The following ABCB1 variants were observed in gnomAD, a reference collection of about 807,000 sequenced individuals.
The protein encoded by ABCB1 is ATP-dependent translocase ABCB1.
A neutral mutation model predicts 142.0 loss-of-function variants in ABCB1; 69 were observed. That is an observed-to-expected ratio of 0.49 (90% CI 0.40 to 0.59). The LOEUF (loss-of-function observed/expected upper bound fraction) is 0.59, where lower values mean the gene tolerates loss of function less well. Ranked by LOEUF, ABCB1 falls within the 20% of genes least tolerant of loss-of-function variation. ABCB1 has a pLI of 0.00. For synonymous variants in ABCB1, 532 were observed against 539.2 expected (o/e 0.99, Z 0.18); for missense variants, 1,326 against 1,554.7 (o/e 0.85, Z 2.47).
chr7:87,563,370 T>C (rs1408760193), intron 7 of ABCB1: 4 of 455,198 alleles, frequency 8.8e-6, no homozygotes, highest in South Asian at 3.1e-5. Context: ...CAAAAAAACT[T>C]TGGGCCAGTA....
At position 87,566,788 on chromosome 7, in the gene ABCB1, G is replaced by A; in HGVS notation, c.527C>T (p.Thr176Ile). The A allele has an allele frequency of 1.2e-6, 2 of 1,613,986 alleles. No homozygotes were observed. The highest frequency in any genetic ancestry group is 8.5e-7 in the Non-Finnish European group (1 of 1,179,920). Residue 176 changes from threonine to isoleucine, a missense_variant, in exon 6 of 28, where the codon ACA becomes ATA. Physicochemically the swap from Thr to Ile is moderately conservative, Grantham distance 89 (BLOSUM62 -1). Coordinates refer to ENST00000622132, the MANE Select transcript of ABCB1 (RefSeq NM_001348946.2). Reference sequence around the variant, plus strand: ...CAACATAAAACTAAATACTTACTCTGTAAGTCGGGTGTTAAGCTCCCCAAC... The same window carrying A: ...CAACATAAAACTAAATACTTACTCTATAAGTCGGGTGTTAAGCTCCCCAAC... ...HDVGELNTRLTDDVSKINEGI... is the reference protein window; with the variant it reads ...HDVGELNTRLIDDVSKINEGI...
intron 21 of ABCB1, chr7:87,522,417 T>C (rs1815556854): frequency 1.5e-6 from 1 of 659,318 alleles, no homozygotes; most frequent in Non-Finnish European, 2.9e-6. Context: ...AGATTTTAAA[T>C]TACTGCCAGG....
intron 1 of ABCB1, among the ~76,000 whole-genome samples, chr7:87,685,920 A>G (rs1318728104): frequency 1.3e-5 from 2 of 152,204 alleles, no homozygotes; most frequent in Non-Finnish European, 2.9e-5. Context: ...CTTGATCCTC[A>G]CTTATTTTAG....
chr7:87,708,941 A>G (rs900631285), intron 1 of ABCB1, among the ~76,000 whole-genome samples: 1 of 152,166 alleles, frequency 6.6e-6, no homozygotes, highest in Admixed American at 6.5e-5. Flanking sequence ...TTTTTCATAA[A>G]CCTTCATTTT....
chr7:87,608,542 A>G (rs1819740171), intron 1 of ABCB1, among the ~76,000 whole-genome samples: 1 of 152,170 alleles, frequency 6.6e-6, no homozygotes, highest in African/African-American at 2.4e-5. Context: ...TCATTCTCTT[A>G]ATTTATAACC....
chr7:87,546,927 A>G (rs1816808392), intron 14 of ABCB1, among the ~76,000 whole-genome samples: 1 of 152,246 alleles, frequency 6.6e-6, no homozygotes, highest in Non-Finnish European at 1.5e-5. Flanking sequence ...TGTGATGACT[A>G]AATAAAATAA....
chr7:87,690,983 A>G (rs1827960825), intron 1 of ABCB1, among the ~76,000 whole-genome samples: 1 of 152,176 alleles, frequency 6.6e-6, no homozygotes, highest in African/African-American at 2.4e-5. Context: ...CTAAAGGTTT[A>G]CTTTTTGCAT....
intron 1 of ABCB1, among the ~76,000 whole-genome samples, chr7:87,707,730 A>C (rs1829735750): frequency 6.6e-6 from 1 of 152,046 alleles, no homozygotes; most frequent in Non-Finnish European, 1.5e-5. Flanking sequence ...CAAAATATAC[A>C]TTCTTATCAT....
rs1305202164 is a variant in ABCB1 at position 87,600,571 on chromosome 7, G to T, written c.-7+184C>A. On this transcript the variant is annotated intron_variant, in intron 1 of 27. Coordinates refer to ENST00000622132, the MANE Select transcript of ABCB1 (RefSeq NM_001348946.2). ...CATGGTCCAGTGCCACTACGGTTTG[G>T]GCGCTGCTCCAGGAGCTCCTGAGTC... 2.6e-5 allele frequency among the ~76,000 whole-genome samples: 4 copies of T among 152,288 alleles called. No individual in the cohort carries two copies. The East Asian group carries it at 7.7e-4, about 29-fold the overall frequency.
intron 21 of ABCB1, among the ~76,000 whole-genome samples, chr7:87,524,949 G>T (rs980284538): frequency 6.6e-6 from 1 of 152,132 alleles, no homozygotes; most frequent in East Asian, 1.9e-4. Flanking sequence ...AGGCAGGAGT[G>T]TCTGGTCTGA....
chr7:87,634,994 T>C (rs1399091525), intron 1 of ABCB1, among the ~76,000 whole-genome samples: 1 of 152,182 alleles, frequency 6.6e-6, no homozygotes, highest in African/African-American at 2.4e-5. Context: ...CCAACCAAAC[T>C]GCATTCATAT....
chr7:87,595,707 A>G, intron 3 of ABCB1, 59 bp downstream of exon 3: 1 of 1,289,836 alleles, frequency 7.8e-7, no homozygotes, highest in South Asian at 1.2e-5. Context: ...TCTCTTTTCC[A>G]TGTAAGGAGA....
chr7:87,616,749 T>A (rs2130077796), intron 1 of ABCB1, among the ~76,000 whole-genome samples: 1 of 152,332 alleles, frequency 6.6e-6, no homozygotes, highest in East Asian at 1.9e-4. Flanking sequence ...TTATACAGTT[T>A]TCCCAAGGTC....
chr7:87,707,015 C>G (rs1385092628), intron 1 of ABCB1, among the ~76,000 whole-genome samples: 1 of 152,184 alleles, frequency 6.6e-6, no homozygotes, highest in East Asian at 1.9e-4. Context: ...AAGACAATAT[C>G]TTTGGAGTAA....
At chr7:87,580,606 G>A (rs1409126664) in intron 4 of ABCB1, among the ~76,000 whole-genome samples, 1 of 152,056 alleles carries the variant, frequency 6.6e-6, no homozygotes. Flanking sequence ...TTAGGCTTGG[G>A]AAATTCTGTG....
At chr7:87,626,784 G>C (rs1390002106) in intron 1 of ABCB1, among the ~76,000 whole-genome samples, 2 of 149,880 alleles carry the variant, frequency 1.3e-5, no homozygotes, top group Non-Finnish European at 3.0e-5. Flanking sequence ...CAGAGAGAGA[G>C]AGAGAGAGAG....
upstream of ABCB1, chr7:87,602,853 C>G (rs1376990679): frequency 1.3e-5 from 2 of 152,192 alleles, no homozygotes; most frequent in Non-Finnish European, 2.9e-5. Context: ...TTTCAACAGT[C>G]CTTGGTTTCT....
In ABCB1 at chr7:87,541,362, G is replaced by A. The variant is rs1816524994; in HGVS notation, c.2314C>T (p.Leu772Phe). ...LGIISFITFF[L>F]QGFTFGKAGE... The stretch of plus-strand genomic sequence containing the variant: ...GTGAAAATGGAAACATTTACCTGAA[G>A]GAAAAATGTAATAAAAGAAATAATT... Residue 772 changes from leucine (L) to phenylalanine (F), a missense_variant, in exon 18 of 28, where the codon CTT becomes TTT. Physicochemically the swap from Leu to Phe is conservative, Grantham distance 22. Transcript: ENST00000622132. The A allele has an allele frequency of 1.3e-6, 2 of 1,537,862 alleles. No individual in the cohort carries two copies. The highest frequency in any genetic ancestry group is 1.8e-6 in the Non-Finnish European group (2 of 1,110,950).
At chr7:87,576,975 A>C (rs1054089352) in intron 4 of ABCB1, among the ~76,000 whole-genome samples, 3 of 152,084 alleles carry the variant, frequency 2.0e-5, no homozygotes, top group African/African-American at 7.2e-5. Context: ...GACTGTAGTC[A>C]CCCTGTTGTG....
Sources: gnomAD v4.1 joint callset for allele counts (sites outside exome capture counted in the v4.1 genomes callset) on GRCh38, gnomAD v4.1.1 for gene constraint, MANE v1.5 for transcripts, NCBI Gene and HGNC (gene_info 2026-07-23, HGNC 2026-07-21) for gene names.